KCNH5: variants seen among roughly 807,000 people sequenced by gnomAD.
KCNH5 encodes the protein voltage-gated delayed rectifier potassium channel KCNH5.
Under a neutral mutation model 96.1 loss-of-function variants are expected in KCNH5, and 46 were observed. The observed-to-expected ratio is 0.48, with a 90% CI of 0.38 to 0.61. The LOEUF is 0.61. Among genes scored for constraint, KCNH5 ranks in the 20% least tolerant of loss-of-function variants. The pLI, the probability that KCNH5 is intolerant of heterozygous loss-of-function variation, is 0.00. For synonymous variants in KCNH5, 439 were observed against 449.8 expected, an observed-to-expected ratio of 0.98 and a Z score of 0.30; for missense variants, 907 against 1,225.8, an observed-to-expected ratio of 0.74 and a Z score of 3.88.
chr14:62,722,895 CCTA>C (rs1884844789), intron 10 of KCNH5, among the ~76,000 whole-genome samples: 1 of 152,198 alleles, frequency 6.6e-6, no homozygotes, highest in Non-Finnish European at 1.5e-5. Context: ...AAACCCGTTT[CCTA>C]CTGCCAACTC....
chr14:62,831,356 C>T (rs1436100577), intron 8 of KCNH5, among the ~76,000 whole-genome samples: 2 of 152,114 alleles, frequency 1.3e-5, no homozygotes, highest in Admixed American at 1.3e-4. Context: ...TTTATTTGTT[C>T]CCCCTCTTAA....
chr14:62,864,255 A>G (rs1382713008), intron 7 of KCNH5, among the ~76,000 whole-genome samples: 2 of 152,214 alleles, frequency 1.3e-5, no homozygotes, highest in Non-Finnish European at 2.9e-5. Context: ...TTTTAGATAA[A>G]GAATAGGTAC....
chr14:62,764,141 A>G (rs182481224), intron 10 of KCNH5, among the ~76,000 whole-genome samples: 2 of 152,168 alleles, frequency 1.3e-5, no homozygotes, highest in Admixed American at 1.3e-4. Context: ...ATACTAGCAA[A>G]CCAAAACCAG....
At chr14:62,726,272 G>A (rs1884923728) in intron 10 of KCNH5, among the ~76,000 whole-genome samples, 1 of 152,044 alleles carries the variant, frequency 6.6e-6, no homozygotes, top group Non-Finnish European at 1.5e-5. Context: ...CACAAAAGTG[G>A]TAACCATAAA....
At position 62,707,843 on chromosome 14, in the gene KCNH5, C is replaced by T. The variant is rs376837885; in HGVS notation, c.2632G>A (p.Ala878Thr). 250 of 1,613,990 alleles carry T rather than the reference C, an allele frequency of 1.5e-4. No homozygotes were observed. Among genetic ancestry groups the T allele is most frequent in the Non-Finnish European group, 2.0e-4 (233 of 1,180,042 alleles). ...TCTAGCGGACTTCGGGCCTCCCCAG[C>T]CTTATCCAAACGAAGGTCACTTTTT... ...ITKSDLRLDK[A>T]GEARSPLEHS... The change falls in exon 11 of 11, where the codon GCT (alanine) becomes ACT (threonine). Residue 878 changes from alanine (A) to threonine (T), a missense_variant. By Grantham distance (58) the Ala-to-Thr change is moderately conservative (BLOSUM62 0). Around this residue, in one of 6 missense-constraint regions of KCNH5, gnomAD observed 362 missense variants for 394.4 expected, o/e 0.92. Transcript: ENST00000322893.
chr14:62,892,644 C>G (rs1379451640), intron 7 of KCNH5, among the ~76,000 whole-genome samples: 1 of 152,182 alleles, frequency 6.6e-6, no homozygotes, highest in Non-Finnish European at 1.5e-5. Context: ...TTCAAAACCT[C>G]AAACCCTCTC....
chr14:62,927,702 T>C (rs182041685), intron 7 of KCNH5, among the ~76,000 whole-genome samples: 4 of 152,192 alleles, frequency 2.6e-5, no homozygotes, highest in Admixed American at 2.0e-4. Context: ...AGACAGAAAG[T>C]CGGATGGTGG....
intron 8 of KCNH5, among the ~76,000 whole-genome samples, chr14:62,835,863 T>C (rs1887455697): frequency 6.6e-6 from 1 of 151,976 alleles, no homozygotes; most frequent in Non-Finnish European, 1.5e-5. Context: ...TTTTTTATGA[T>C]TGCCCTCAAA....
chr14:62,712,572 T>C, intron 10 of KCNH5: 2 of 710,222 alleles, frequency 2.8e-6, no homozygotes, highest in Non-Finnish European at 5.3e-6. Flanking sequence ...ACCATTCCAC[T>C]CTCCTGCTCC....
chr14:62,794,670 C>T (rs1316576198), intron 9 of KCNH5, among the ~76,000 whole-genome samples: 3 of 151,872 alleles, frequency 2.0e-5, no homozygotes, highest in African/African-American at 7.3e-5. Flanking sequence ...GTGTATTTTT[C>T]AAAAATACAC....
intron 7 of KCNH5, among the ~76,000 whole-genome samples, chr14:62,899,036 C>G (rs1888870654): frequency 6.6e-6 from 1 of 152,022 alleles, no homozygotes; most frequent in Non-Finnish European, 1.5e-5. Context: ...GAGATTTTAA[C>G]ACATTTATTT....
At chr14:62,868,287 A>G (rs2140063422) in intron 7 of KCNH5, among the ~76,000 whole-genome samples, 1 of 152,326 alleles carries the variant, frequency 6.6e-6, no homozygotes, top group East Asian at 1.9e-4. Flanking sequence ...CAGGTCTCTT[A>G]CTACAGTGTC....
intron 1 of KCNH5, among the ~76,000 whole-genome samples, chr14:63,044,095 A>G (rs1038712452): frequency 1.3e-5 from 2 of 152,184 alleles, no homozygotes; most frequent in African/African-American, 4.8e-5. Flanking sequence ...TACTCCATAT[A>G]CAGAAATGTC....
intron 7 of KCNH5, among the ~76,000 whole-genome samples, chr14:62,937,895 G>A (rs766318394): frequency 5.3e-5 from 8 of 152,174 alleles, no homozygotes; most frequent in Non-Finnish European, 1.0e-4. Context: ...TCCTCATAAG[G>A]GAAAGAAGTT....
intron 7 of KCNH5, among the ~76,000 whole-genome samples, chr14:62,902,439 A>G (rs999109434): frequency 3.0e-4 from 45 of 152,256 alleles, no homozygotes; most frequent in Non-Finnish European, 2.8e-4. Flanking sequence ...TACAAATTAA[A>G]AAGTAGACAT....
chr14:62,808,611 T>A (rs997647853), intron 8 of KCNH5, among the ~76,000 whole-genome samples: 4 of 152,122 alleles, frequency 2.6e-5, no homozygotes, highest in African/African-American at 9.6e-5. Flanking sequence ...ACAGGAAGCA[T>A]TATCAAATGT....
intron 7 of KCNH5, among the ~76,000 whole-genome samples, chr14:62,878,005 C>A (rs1888411498): frequency 6.6e-6 from 1 of 151,806 alleles, no homozygotes; most frequent in African/African-American, 2.4e-5. Flanking sequence ...CCATGGAATA[C>A]TATGCAGCCA....
chr14:62,756,309 A>G (rs1011347140), intron 10 of KCNH5, among the ~76,000 whole-genome samples: 2 of 152,102 alleles, frequency 1.3e-5, no homozygotes, highest in African/African-American at 4.8e-5. Flanking sequence ...AGGACAGAGA[A>G]AAGTGGAAAG....
intron 7 of KCNH5, among the ~76,000 whole-genome samples, chr14:62,917,003 G>T (rs1419172913): frequency 6.6e-6 from 1 of 152,152 alleles, no homozygotes; most frequent in Non-Finnish European, 1.5e-5. Flanking sequence ...TCATTTTCTA[G>T]AAATGCTAGA....
Sources: allele counts gnomAD v4.1 joint callset (sites outside exome capture counted in the v4.1 genomes callset), GRCh38; gene constraint gnomAD v4.1.1; regional missense constraint gnomAD v4.1.1; transcripts MANE v1.5; gene names NCBI Gene and HGNC (gene_info 2026-07-23, HGNC 2026-07-21).